XPO5: variants seen among roughly 807,000 people sequenced by gnomAD.
XPO5 encodes exportin 5.
XPO5 carries 46 observed loss-of-function variants against 160.6 expected under a neutral mutation model. The observed-to-expected ratio is 0.29, with a 90% CI of 0.23 to 0.37. The LOEUF (loss-of-function observed/expected upper bound fraction) is 0.37, where lower values mean the gene tolerates loss of function less well. XPO5 is among the 10% of genes least tolerant of loss of function. The pLI is 1.00. For missense variants in XPO5, 1,090 were observed against 1,463.9 expected, an observed-to-expected ratio of 0.74 and a Z score of 4.17; for synonymous variants, 537 against 519.3, an observed-to-expected ratio of 1.03 and a Z score of -0.46.
intron 11 of XPO5, chr6:43,558,860 T>G: frequency 3.0e-6 from 1 of 332,562 alleles, no homozygotes; most frequent in Non-Finnish European, 5.5e-6. Context: ...TCTTTTAAGG[T>G]CCCCAGAAAA....
rs1480738583 is a variant in XPO5 at position 43,522,364 on chromosome 6, A to G, written c.*1504T>C. On this transcript the variant is annotated 3_prime_UTR_variant, in exon 32 of 32. Coordinates refer to ENST00000265351, the MANE Select transcript of XPO5 (RefSeq NM_020750.3). The stretch of plus-strand genomic sequence containing the variant: ...GTACGAAACTGAGATTTTTACTGAC[A>G]TGCAGATGTGCTTTAGAGTTAATGT... 1.3e-5 allele frequency: 2 copies of G among 154,610 alleles called. No individual in the cohort carries two copies. Among genetic ancestry groups the G allele is most frequent in the East Asian group, 1.9e-4 (1 of 5,270 alleles). 9.6% of individuals were successfully genotyped at this position (154,610 alleles called of 1,614,324 possible).
At chr6:43,538,523 G>A (rs1270227248) in intron 20 of XPO5, among the ~76,000 whole-genome samples, 6 of 152,170 alleles carry the variant, frequency 3.9e-5, no homozygotes, top group East Asian at 1.9e-4. Context: ...GAAAACATTC[G>A]GTGATATTTG....
intron 31 of XPO5, 102 bp downstream of exon 31, chr6:43,524,369 A>G (rs1286796212): frequency 7.0e-7 from 1 of 1,427,576 alleles, no homozygotes. Flanking sequence ...AAAAAAAAAA[A>G]AATCTCACCA....
intron 8 of XPO5, among the ~76,000 whole-genome samples, chr6:43,564,704 T>C (rs1762605302): frequency 6.6e-6 from 1 of 152,098 alleles, no homozygotes; most frequent in African/African-American, 2.4e-5. Context: ...CCAGCTCTAG[T>C]GACCCTCCCA....
Position 43,522,673 on chromosome 6 carries a change from A to G in XPO5, c.*1195T>C. On this transcript the variant is annotated 3_prime_UTR_variant, in exon 32 of 32. Coordinates refer to ENST00000265351, the MANE Select transcript of XPO5 (RefSeq NM_020750.3). ...CCTGCCTGTGGCCCGCACCAGCTAAAAACTGTAGCTTCAGTCCACTTCGGC... is the reference window on the plus strand; with the variant it reads ...CCTGCCTGTGGCCCGCACCAGCTAAGAACTGTAGCTTCAGTCCACTTCGGC... 2.1e-6 allele frequency: 1 copy of G among 481,912 alleles called. No homozygotes were observed. The highest frequency in any genetic ancestry group is 4.4e-6 in the Non-Finnish European group (1 of 228,554). 29.9% of individuals were successfully genotyped at this position (481,912 alleles called of 1,614,324 possible).
intron 20 of XPO5, among the ~76,000 whole-genome samples, chr6:43,544,449 T>C (rs1476669944): frequency 6.6e-6 from 1 of 152,196 alleles, no homozygotes; most frequent in Admixed American, 6.5e-5. Context: ...TAAAAAAAGA[T>C]AATCATACTG....
intron 20 of XPO5, among the ~76,000 whole-genome samples, chr6:43,543,015 A>G (rs1000019455): frequency 6.6e-6 from 1 of 152,216 alleles, no homozygotes; most frequent in Non-Finnish European, 1.5e-5. Flanking sequence ...GAAGTATCAT[A>G]CAAGCAAGGA....
Position 43,573,823 on chromosome 6 carries a change from ATTT to A in XPO5, c.106-225_106-223del, listed in dbSNP as rs111408497. 0.023 allele frequency among the ~76,000 whole-genome samples: 2,839 copies of A among 126,020 alleles called. 113 individuals are homozygous for A. Among genetic ancestry groups the A allele is most frequent in the African/African-American group, 0.086 (2,624 of 30,506 alleles). The allele number at this position is 126,020 out of a possible 152,430, so 82.7% of individuals were successfully genotyped here. A position where few individuals can be genotyped will look rare whatever the true frequency, so the allele number is the denominator to read the frequency against. On this transcript the variant is annotated intron_variant, in intron 1 of 31. Coordinates refer to ENST00000265351, the MANE Select transcript of XPO5 (RefSeq NM_020750.3). ...CTATTAAATATATATATATATATAT[ATTT>A]TTTTTTTTTTTTTTTGAGACGGAGT...
At chr6:43,525,795 C>T (rs770932313) in intron 28 of XPO5, 44 bp downstream of exon 28, 3 of 1,595,576 alleles carry the variant, frequency 1.9e-6, no homozygotes, top group African/African-American at 1.3e-5. Flanking sequence ...GGTGACTCCC[C>T]ACCTGGGCAA....
chr6:43,530,697 G>T lies in XPO5; in HGVS notation c.2668C>A (p.Pro890Thr). ...LNNIPDYRLR[P>T]MLRVFVKPLV... ...ACTTTTGAAAGGATATGAAGCATGG[G>T]TCTGAGTCGGTAGTCAGGAATATTG... Residue 890 changes from proline (P) to threonine (T), a missense_variant, in exon 23 of 32, where the codon CCC (proline) becomes ACC (threonine). Coordinates refer to ENST00000265351, the MANE Select transcript of XPO5 (RefSeq NM_020750.3). 1 of 1,613,928 alleles carries T rather than the reference G, an allele frequency of 6.2e-7. No individual in the cohort carries two copies. The highest frequency in any genetic ancestry group is 8.5e-7 in the Non-Finnish European group (1 of 1,179,866).
chr6:43,543,408 G>GC (rs1794799121), intron 20 of XPO5, among the ~76,000 whole-genome samples: 1 of 152,128 alleles, frequency 6.6e-6, no homozygotes, highest in Non-Finnish European at 1.5e-5. Flanking sequence ...AGCCGTGATC[G>GC]CAACACTGCA....
intron 29 of XPO5, 59 bp from the exon 30 acceptor site, chr6:43,525,027 C>G (rs1188654809): frequency 6.3e-7 from 1 of 1,593,150 alleles, no homozygotes. Flanking sequence ...CTCAGCACCC[C>G]AGTTCTTCTG....
chr6:43,534,135 AAAG>A (rs1794168808), intron 20 of XPO5, 128 bp from the exon 21 acceptor site: 1 of 596,412 alleles, frequency 1.7e-6, no homozygotes, highest in African/African-American at 1.9e-5. Context: ...AGGGGAAAGA[AAAG>A]AAGGTATAAA....
At position 43,524,074 on chromosome 6, in the gene XPO5, G is replaced by A. The variant is rs1050357837; in HGVS notation, c.3478-69C>T. On this transcript the variant is annotated intron_variant, in intron 31 of 31. Transcript: ENST00000265351. ...AGTAGTTAAAAGATTCTCTTGGCCCGGCGCAGTGGCTCGCGCCTGTAATCC... is the reference window on the plus strand; with the variant it reads ...AGTAGTTAAAAGATTCTCTTGGCCCAGCGCAGTGGCTCGCGCCTGTAATCC... 26 of 1,565,200 alleles carry A rather than the reference G, an allele frequency of 1.7e-5. No individual in the cohort carries two copies. In the East Asian group the frequency reaches 3.2e-4, roughly 19 times the overall value.
At position 43,524,907 on chromosome 6, in the gene XPO5, C is replaced by T; in HGVS notation, c.3236G>A (p.Gly1079Asp). 6.2e-7 allele frequency: 1 copy of T among 1,614,024 alleles called. No individual in the cohort carries two copies. The highest frequency in any genetic ancestry group is 8.5e-7 in the Non-Finnish European group (1 of 1,179,904). The change falls in exon 30 of 32, where the codon GGC (glycine) becomes GAC (aspartate). Residue 1079 changes from glycine (G) to aspartate (D), a missense_variant. Gly to Asp is a moderately conservative substitution (Grantham distance 94). Around this residue, in one of 3 missense-constraint regions of XPO5, gnomAD observed 810 missense variants for 1,139.0 expected, o/e 0.71. Transcript: ENST00000265351. Reference protein sequence around the residue: ...VTWLFTSVLKGLQMHGQHDGC... With the variant: ...VTWLFTSVLKDLQMHGQHDGC... ...GTCGTGCTGCCCGTGCATCTGTAAG[C>T]CTTTCAGCACACTGGTGAAAAGCCA...
intron 6 of XPO5, 106 bp from the exon 7 acceptor site, chr6:43,567,460 T>G (rs1762754224): frequency 7.6e-6 from 8 of 1,048,318 alleles, no homozygotes; most frequent in Non-Finnish European, 1.1e-5. Context: ...AATTATTTTT[T>G]AAGAATATAC....
Position 43,525,104 on chromosome 6 carries a change from T to C in XPO5, c.3174+3A>G. 1.3e-6 allele frequency: 2 copies of C among 1,571,840 alleles called. No homozygotes were observed. The highest frequency in any genetic ancestry group is 1.7e-6 in the Non-Finnish European group (2 of 1,157,954). ...GGCAGGGAAAAGGGGTGAATAACCA[T>C]ACTTGTTTGAGGAGAGGCCAGCAGA... On this transcript the variant is annotated splice_donor_region_variant and intron_variant, in intron 29 of 31. Coordinates refer to ENST00000265351, the MANE Select transcript of XPO5 (RefSeq NM_020750.3).
intron 20 of XPO5, among the ~76,000 whole-genome samples, chr6:43,537,500 C>A (rs962556406): frequency 6.6e-6 from 1 of 152,198 alleles, no homozygotes; most frequent in Non-Finnish European, 1.5e-5. Context: ...CAACTCAACT[C>A]TGCATTGAAG....
At chr6:43,575,528 GAGA>G (rs1215007129) in intron 1 of XPO5, among the ~76,000 whole-genome samples, 1 of 152,202 alleles carries the variant, frequency 6.6e-6, no homozygotes, top group African/African-American at 2.4e-5. Context: ...GCGGCGAGAT[GAGA>G]AGCAGCATAG....
Sources: gnomAD v4.1 joint callset for allele counts (sites outside exome capture counted in the v4.1 genomes callset) on GRCh38, gnomAD v4.1.1 for gene constraint, gnomAD v4.1.1 regional missense constraint, MANE v1.5 for transcripts, NCBI Gene and HGNC (gene_info 2026-07-23, HGNC 2026-07-21) for gene names.